The following ZNF562 variants were observed in gnomAD, a reference collection of about 807,000 sequenced individuals.
ZNF562 encodes zinc finger protein 562.
Under a neutral mutation model 17.5 loss-of-function variants are expected in ZNF562, and 13 were observed. That is an observed-to-expected ratio of 0.74 (90% CI 0.48 to 1.18). The LOEUF (loss-of-function observed/expected upper bound fraction) is 1.18. ZNF562 is among the 50% of genes most tolerant of loss of function. The pLI is 0.00. For synonymous variants in ZNF562, 163 were observed against 165.4 expected, an observed-to-expected ratio of 0.99 and a Z score of 0.11; for missense variants, 481 against 498.5, an observed-to-expected ratio of 0.96 and a Z score of 0.33.
At chr19:9,669,658 C>T (rs940471875) in intron 1 of ZNF562, among the ~76,000 whole-genome samples, 1 of 151,512 alleles carries the variant, frequency 6.6e-6, no homozygotes, top group Non-Finnish European at 1.5e-5. Flanking sequence ...TGTCTGTACA[C>T]ACATGCACGC....
chr19:9,649,612 G>C lies in ZNF562; in HGVS notation c.*3337C>G, dbSNP rs535888176. Reference sequence around the variant, plus strand: ...GTGAAATAGACCCCAGTCTCCCATAGCACTCCCAGGCTTATTAGGAAGAGG... The same window carrying C: ...GTGAAATAGACCCCAGTCTCCCATACCACTCCCAGGCTTATTAGGAAGAGG... On this transcript the variant is annotated 3_prime_UTR_variant, in exon 6 of 6. Coordinates refer to ENST00000453372, the MANE Select transcript of ZNF562 (RefSeq NM_001130031.2). The C allele has an allele frequency of 6.6e-6, 1 of 152,210 alleles. No individual in the cohort carries two copies. Among genetic ancestry groups the C allele is most frequent in the Non-Finnish European group, 1.5e-5 (1 of 68,026 alleles). The allele number at this position is 152,210 out of a possible 1,614,324, so 9.4% of individuals were successfully genotyped here. A position where few individuals can be genotyped will look rare whatever the true frequency, so the allele number is the denominator to read the frequency against.
Position 9,650,065 on chromosome 19 carries a change from C to T in ZNF562, c.*2884G>A, listed in dbSNP as rs1233354895. ...GGCTGGTTCCCTGACAGGACATAAC[C>T]TCTTCAAAAAATAAAAAAGAAATAA... On this transcript the variant is annotated 3_prime_UTR_variant, in exon 6 of 6. Transcript: ENST00000453372. 1.3e-5 allele frequency: 2 copies of T among 152,012 alleles called. No homozygotes were observed. Among genetic ancestry groups the T allele is most frequent in the African/African-American group, 4.8e-5 (2 of 41,384 alleles). 9.4% of individuals were successfully genotyped at this position (152,012 alleles called of 1,614,324 possible).
At chr19:9,663,267 CA>C (rs1293745469) in intron 1 of ZNF562, among the ~76,000 whole-genome samples, 1 of 134,454 alleles carries the variant, frequency 7.4e-6, no homozygotes, top group Non-Finnish European at 1.6e-5. Flanking sequence ...AAAAAATTGC[CA>C]GGCATGGTGG....
At chr19:9,674,465 A>T (rs578058042) in intron 1 of ZNF562, among the ~76,000 whole-genome samples, 13 of 152,208 alleles carry the variant, frequency 8.5e-5, no homozygotes, top group African/African-American at 2.9e-4. Context: ...CAGTGAGCCA[A>T]CATCGTGCCA....
At chr19:9,673,791 A>G (rs1318494027) in intron 1 of ZNF562, among the ~76,000 whole-genome samples, 1 of 152,060 alleles carries the variant, frequency 6.6e-6, no homozygotes, top group Non-Finnish European at 1.5e-5. Flanking sequence ...GGATCACTTG[A>G]GGTCAGGAGT....
chr19:9,663,090 A>G (rs113566757), intron 1 of ZNF562, among the ~76,000 whole-genome samples: 1 of 151,588 alleles, frequency 6.6e-6, no homozygotes, highest in Non-Finnish European at 1.5e-5. Context: ...TAATGGCCTT[A>G]TCTCTATGCC....
In ZNF562 at chr19:9,642,675, A is replaced by G. The variant is rs970462165; in HGVS notation, c.*10274T>C. ...CAGGAACAATCAATCTGAACTTTGT[A>G]TCAAATGGGTAATAAGACTATGTAA... On this transcript the variant is annotated 3_prime_UTR_variant, in exon 6 of 6. Transcript: ENST00000453372. 1.3e-5 allele frequency: 2 copies of G among 152,034 alleles called. No individual in the cohort carries two copies. Among genetic ancestry groups the G allele is most frequent in the African/African-American group, 4.8e-5 (2 of 41,384 alleles). The allele number at this position is 152,034 out of a possible 1,614,324, so 9.4% of individuals were successfully genotyped here.
chr19:9,651,551 C>T lies in ZNF562; in HGVS notation c.*1398G>A, dbSNP rs139597956. On this transcript the variant is annotated 3_prime_UTR_variant, in exon 6 of 6. Coordinates refer to ENST00000453372, the MANE Select transcript of ZNF562 (RefSeq NM_001130031.2). Reference sequence around the variant, plus strand: ...GCTCGTGATGGCTATGACGCCCATGCTGGAGGCTGCTGGTTTACCAGAATG... The same window carrying T: ...GCTCGTGATGGCTATGACGCCCATGTTGGAGGCTGCTGGTTTACCAGAATG... The T allele has an allele frequency of 6.6e-6, 1 of 152,336 alleles. No individual in the cohort carries two copies. The highest frequency in any genetic ancestry group is 1.5e-5 in the Non-Finnish European group (1 of 68,040). The allele number at this position is 152,336 out of a possible 1,614,324, so 9.4% of individuals were successfully genotyped here.
In ZNF562 at chr19:9,658,077, A is replaced by C; in HGVS notation, c.173T>G (p.Leu58Arg). 6.2e-7 allele frequency: 1 copy of C among 1,613,976 alleles called. No individual in the cohort carries two copies. The highest frequency in any genetic ancestry group is 2.2e-5 in the East Asian group (1 of 44,876). Residue 58 changes from leucine to arginine, a missense_variant, in exon 4 of 6, where the codon CTG (leucine) becomes CGG (arginine). Coordinates refer to ENST00000453372, the MANE Select transcript of ZNF562 (RefSeq NM_001130031.2). The part of the protein sequence containing the change: ...VEFTPEEWAL[L>R]DTTQKYLYRD... ...GTAGAGGTATTTCTGAGTTGTGTCC[A>C]GTAAAGCCCACTCCTCTGGGGTGAA...
Position 9,653,534 on chromosome 19 carries a change from A to G in ZNF562, c.696T>C (p.Cys232=). Reference sequence around the variant, plus strand: ...TGGCTCTCTCACATTCCTGAAATTCACAGAGTTTCTCTCCAATGTGGATTC... The same window carrying G: ...TGGCTCTCTCACATTCCTGAAATTCGCAGAGTTTCTCTCCAATGTGGATTC... The part of the protein sequence containing the change: ...HMGIHIGEKL[C]EFQECERAIT... Residue 232 remains cysteine (C), a synonymous_variant, in exon 6 of 6, where the codon TGT becomes TGC. Transcript: ENST00000453372. 6.2e-7 allele frequency: 1 copy of G among 1,614,194 alleles called. No individual in the cohort carries two copies. Among genetic ancestry groups the G allele is most frequent in the Non-Finnish European group, 8.5e-7 (1 of 1,180,032 alleles).
chr19:9,670,479 C>G (rs748438642), intron 1 of ZNF562, among the ~76,000 whole-genome samples: 1 of 151,342 alleles, frequency 6.6e-6, no homozygotes, highest in African/African-American at 2.4e-5. Flanking sequence ...TATATATAGA[C>G]AGCAGATTAT....
Position 9,656,589 on chromosome 19 carries a change from C to G in ZNF562, c.306G>C (p.Gln102His). 1 of 1,614,034 alleles carries G rather than the reference C, an allele frequency of 6.2e-7. No individual in the cohort carries two copies. Among genetic ancestry groups the G allele is most frequent in the Non-Finnish European group, 8.5e-7 (1 of 1,179,982 alleles). ...IQPRTKRSSL[Q>H]QGFLKNQIFT... ...ATATTTGATTCTTCAAAAAACCCTG[C>G]TGAAGTGATGACCGTTTGGTTCTAG... The change falls in exon 5 of 6, where the codon CAG (glutamine) becomes CAC (histidine). Residue 102 changes from glutamine to histidine, a missense_variant. This residue lies in a region of ZNF562 where 403 missense variants were observed against 386.4 expected (regional missense o/e 1.04). Coordinates refer to ENST00000453372, the MANE Select transcript of ZNF562 (RefSeq NM_001130031.2).
chr19:9,659,853 A>G (rs1423373792), intron 2 of ZNF562, among the ~76,000 whole-genome samples: 1 of 142,396 alleles, frequency 7.0e-6, no homozygotes. Context: ...ACATTTTGGG[A>G]GGCCAAGGTG....
chr19:9,658,413 G>T, intron 3 of ZNF562: 1 of 901,210 alleles, frequency 1.1e-6, no homozygotes, highest in Non-Finnish European at 1.3e-6. Flanking sequence ...GCAATGGCAC[G>T]ATCTCGGCTC....
intron 1 of ZNF562, among the ~76,000 whole-genome samples, chr19:9,663,584 GT>G (rs1156277444): frequency 1.6e-4 from 24 of 147,432 alleles, no homozygotes; most frequent in Non-Finnish European, 1.5e-5. Context: ...TTTTTGTTTT[GT>G]TTTTGTTTTT....
At chr19:9,656,431 C>T (rs1377909759) in intron 5 of ZNF562, 116 bp downstream of exon 5, 7 of 1,113,190 alleles carry the variant, frequency 6.3e-6, no homozygotes, top group Middle Eastern at 6.0e-4. Context: ...ATCGCTTGAA[C>T]CTGGGAGTTG....
intron 1 of ZNF562, among the ~76,000 whole-genome samples, chr19:9,665,119 T>C (rs1427046806): frequency 6.6e-6 from 1 of 151,082 alleles, no homozygotes; most frequent in East Asian, 2.0e-4. Context: ...CTACTCAGGA[T>C]ACTGAGGTTG....
intron 1 of ZNF562, among the ~76,000 whole-genome samples, chr19:9,670,999 CAAAAA>C (rs61660395): frequency 1.1e-5 from 1 of 92,814 alleles, no homozygotes. Flanking sequence ...CTCCATCTCC[CAAAAA>C]AAAAAAAAAA....
Position 9,644,154 on chromosome 19 carries a change from G to C in ZNF562, c.*8795C>G, listed in dbSNP as rs1228094640. On this transcript the variant is annotated 3_prime_UTR_variant, in exon 6 of 6. Transcript: ENST00000453372. ...TATAATTCTGTAGTTTTTAATGACT[G>C]TACTGTTTTTATCAGTGATAAAAAC... is the stretch of plus-strand genomic sequence containing the variant. The C allele has an allele frequency of 6.6e-6, 1 of 152,006 alleles. No individual in the cohort carries two copies. Among genetic ancestry groups the C allele is most frequent in the Non-Finnish European group, 1.5e-5 (1 of 68,004 alleles). 9.4% of individuals were successfully genotyped at this position (152,006 alleles called of 1,614,324 possible).
Sources: gnomAD v4.1 joint callset for allele counts (sites outside exome capture counted in the v4.1 genomes callset) on GRCh38, gnomAD v4.1.1 for gene constraint, gnomAD v4.1.1 regional missense constraint, MANE v1.5 for transcripts, NCBI Gene and HGNC (gene_info 2026-07-23, HGNC 2026-07-21) for gene names.